The following ZNF492 variants were observed in gnomAD, a reference collection of about 807,000 sequenced individuals.
ZNF492 encodes zinc finger protein 115 (Y20).
In ZNF492, 3 loss-of-function variants were observed where a neutral mutation model predicts 6.4. The observed-to-expected ratio is 0.47, with a 90% CI of 0.21 to 1.22. ZNF492 has a LOEUF of 1.22. Among genes scored for constraint, ZNF492 ranks in the 50% most tolerant of loss-of-function variants. ZNF492 has a pLI of 0.22. For synonymous variants in ZNF492, 112 were observed against 205.3 expected (o/e 0.55, Z 3.89); for missense variants, 356 against 612.5 (o/e 0.58, Z 4.42).
chr19:22,665,827 GA>G lies in ZNF492; in HGVS notation c.*569del, dbSNP rs1035910931. 8.6e-4 allele frequency: 131 copies of G among 152,620 alleles called. 1 individual carries two copies. The highest frequency in any genetic ancestry group is 2.9e-3 in the African/African-American group (121 of 41,508). 9.5% of individuals were successfully genotyped at this position (152,620 alleles called of 1,614,324 possible). A position where few individuals can be genotyped will look rare whatever the true frequency, so the allele number is the denominator to read the frequency against. Reference sequence around the variant, plus strand: ...AATATTTTTGCATATACAGTAAATAGAAAAAAATATTTAATTCAATGGTAAG... The same window carrying G: ...AATATTTTTGCATATACAGTAAATAGAAAAAATATTTAATTCAATGGTAAG... On this transcript the variant is annotated 3_prime_UTR_variant, in exon 4 of 4. Transcript: ENST00000456783.
chr19:22,644,126 C>T (rs954001535), intron 1 of ZNF492, among the ~76,000 whole-genome samples: 4 of 152,034 alleles, frequency 2.6e-5, no homozygotes, highest in African/African-American at 7.3e-5. Context: ...GTGGTGCTGA[C>T]ACTTTTCAAG....
At chr19:22,663,534 C>A (rs62118829) in intron 3 of ZNF492, among the ~76,000 whole-genome samples, 1 of 151,924 alleles carries the variant, frequency 6.6e-6, no homozygotes, top group Non-Finnish European at 1.5e-5. Context: ...AAGATCTGCA[C>A]TGGGTAAATG....
chr19:22,646,283 G>T (rs1475393115), intron 1 of ZNF492, among the ~76,000 whole-genome samples: 1 of 152,092 alleles, frequency 6.6e-6, no homozygotes, highest in African/African-American at 2.4e-5. Context: ...TTTTGTAGCA[G>T]TTGTGAAGTT....
intron 1 of ZNF492, among the ~76,000 whole-genome samples, chr19:22,647,519 C>G (rs1971892865): frequency 6.6e-6 from 1 of 151,690 alleles, no homozygotes; most frequent in African/African-American, 2.4e-5. Flanking sequence ...CAATCTCGGC[C>G]TCCCAAAGTG....
chr19:22,642,900 A>G (rs1194327941), intron 1 of ZNF492, among the ~76,000 whole-genome samples: 1 of 152,192 alleles, frequency 6.6e-6, no homozygotes, highest in Non-Finnish European at 1.5e-5. Flanking sequence ...ACTAAAAGAT[A>G]CAGAGTTAAG....
intron 3 of ZNF492, among the ~76,000 whole-genome samples, chr19:22,662,492 C>T (rs1240135405): frequency 6.6e-6 from 1 of 152,116 alleles, no homozygotes; most frequent in Non-Finnish European, 1.5e-5. Context: ...AGTTCTAGAT[C>T]CTTGAGGAAT....
At chr19:22,640,656 G>C (rs1250572757) in intron 1 of ZNF492, among the ~76,000 whole-genome samples, 1 of 152,116 alleles carries the variant, frequency 6.6e-6, no homozygotes, top group Non-Finnish European at 1.5e-5. Flanking sequence ...TCAGAATGGT[G>C]CTGTTTTTAG....
rs1972112945 is a variant in ZNF492 at position 22,665,290 on chromosome 19, T to G, written c.*25T>G. On this transcript the variant is annotated 3_prime_UTR_variant, in exon 4 of 4. Transcript: ENST00000456783. Reference sequence around the variant, plus strand: ...ATAGAAATATGAATGTGACAAAGCCTTTAAATGGTTATCACACTGGATTGT... The same window carrying G: ...ATAGAAATATGAATGTGACAAAGCCGTTAAATGGTTATCACACTGGATTGT... The G allele has an allele frequency of 7.3e-6, 11 of 1,512,520 alleles. No individual in the cohort carries two copies. Among genetic ancestry groups the G allele is most frequent in the African/African-American group, 1.4e-5 (1 of 71,042 alleles). The allele number at this position is 1,512,520 out of a possible 1,614,324, so 93.7% of individuals were successfully genotyped here. A position where few individuals can be genotyped will look rare whatever the true frequency, so the allele number is the denominator to read the frequency against.
chr19:22,647,405 C>T (rs1375762620), intron 1 of ZNF492, among the ~76,000 whole-genome samples: 8 of 150,926 alleles, frequency 5.3e-5, no homozygotes, highest in South Asian at 2.1e-4. Context: ...TACAGGTGCC[C>T]GCCACTACAC....
chr19:22,647,233 T>G (rs7409349), intron 1 of ZNF492, among the ~76,000 whole-genome samples: 28,049 of 147,788 alleles, frequency 0.19, 3,411 homozygotes, highest in African/African-American at 0.36. Flanking sequence ...AGTTTGCCAG[T>G]TTTTTTTTGT....
At chr19:22,642,317 G>A (rs1971835415) in intron 1 of ZNF492, among the ~76,000 whole-genome samples, 1 of 149,736 alleles carries the variant, frequency 6.7e-6, no homozygotes, top group African/African-American at 2.5e-5. Context: ...TAGATTATAT[G>A]TAGGTATTTT....
intron 1 of ZNF492, among the ~76,000 whole-genome samples, chr19:22,635,084 C>T (rs1201336423): frequency 6.6e-6 from 1 of 151,866 alleles, no homozygotes; most frequent in African/African-American, 2.4e-5. Flanking sequence ...TACAAATTTC[C>T]TGGTTGTGTA....
At chr19:22,657,387 GTTTTA>G (rs1972006792) in intron 3 of ZNF492, among the ~76,000 whole-genome samples, 1 of 152,098 alleles carries the variant, frequency 6.6e-6, no homozygotes, top group Admixed American at 6.6e-5. Flanking sequence ...GATTACAGCA[GTTTTA>G]TTTTGTGTAA....
Position 22,634,444 on chromosome 19 carries a change from G to C in ZNF492, c.-124G>C. Reference sequence around the variant, plus strand: ...CAGGTATTGGGAGATCCACAGCTAAGACGCTAGGACCCCCTGGAAGCCTAG... The same window carrying C: ...CAGGTATTGGGAGATCCACAGCTAACACGCTAGGACCCCCTGGAAGCCTAG... On this transcript the variant is annotated 5_prime_UTR_variant, in exon 1 of 4. Transcript: ENST00000456783. 1 of 1,383,846 alleles carries C rather than the reference G, an allele frequency of 7.2e-7. No homozygotes were observed. Among genetic ancestry groups the C allele is most frequent in the Non-Finnish European group, 1.0e-6 (1 of 985,622 alleles). 85.7% of individuals were successfully genotyped at this position (1,383,846 alleles called of 1,614,324 possible). A position where few individuals can be genotyped will look rare whatever the true frequency, so the allele number is the denominator to read the frequency against.
chr19:22,666,135 A>G lies in ZNF492; in HGVS notation c.*870A>G, dbSNP rs1972123605. On this transcript the variant is annotated 3_prime_UTR_variant, in exon 4 of 4. Coordinates refer to ENST00000456783, the MANE Select transcript of ZNF492 (RefSeq NM_020855.3). ...CAAATTACTTCGTGTTAATGTTGTA[A>G]TTAACTCTCAAATTACTTCATGCTA... The G allele has an allele frequency of 6.6e-6, 1 of 151,854 alleles. No homozygotes were observed. Among genetic ancestry groups the G allele is most frequent in the African/African-American group, 2.4e-5 (1 of 41,382 alleles). The allele number at this position is 151,854 out of a possible 1,614,324, so 9.4% of individuals were successfully genotyped here.
chr19:22,661,043 A>G (rs11878833), intron 3 of ZNF492, among the ~76,000 whole-genome samples: 4 of 151,860 alleles, frequency 2.6e-5, no homozygotes, highest in Non-Finnish European at 5.9e-5. Context: ...TTTACCTTGT[A>G]GCTCCTAAGA....
chr19:22,650,770 T>C (rs536171503), intron 1 of ZNF492, among the ~76,000 whole-genome samples: 2 of 152,238 alleles, frequency 1.3e-5, no homozygotes, highest in South Asian at 4.1e-4. Context: ...CATCCCTGGC[T>C]CCAGCAGGGG....
intron 1 of ZNF492, among the ~76,000 whole-genome samples, chr19:22,639,321 T>C (rs1178950790): frequency 2.6e-5 from 4 of 152,220 alleles, no homozygotes; most frequent in Non-Finnish European, 5.9e-5. Context: ...TTGATTTGGC[T>C]TTTGGCATGC....
rs71180573 is a variant in ZNF492 at position 22,647,260 on chromosome 19, GT to G, written c.-93-6033del. Among the ~76,000 whole-genome samples, 377 of 132,870 alleles carry G rather than the reference GT, an allele frequency of 2.8e-3. 1 individual carries two copies. The highest frequency in any genetic ancestry group is 4.1e-3 in the Non-Finnish European group (256 of 61,976). 87.2% of individuals were successfully genotyped at this position (132,870 alleles called of 152,430 possible). A position where few individuals can be genotyped will look rare whatever the true frequency, so the allele number is the denominator to read the frequency against. On this transcript the variant is annotated intron_variant, in intron 1 of 3. Transcript: ENST00000456783. The stretch of plus-strand genomic sequence containing the variant: ...TTTTTTTGTTTGTTTGTTTGTTGTT[GT>G]TTTTTTTTTTTTTAGGCAGAGTTTC...
Sources: allele counts gnomAD v4.1 joint callset (sites outside exome capture counted in the v4.1 genomes callset), GRCh38; gene constraint gnomAD v4.1.1; transcripts MANE v1.5; gene names NCBI Gene and HGNC (gene_info 2026-07-23, HGNC 2026-07-21).